The following GRIK2 variants were observed in gnomAD, a reference collection of about 807,000 sequenced individuals.
GRIK2 encodes the protein glutamate ionotropic receptor kainate type subunit 2, also known as glutamate receptor ionotropic, kainate 2.
Under a neutral mutation model 100.3 loss-of-function variants are expected in GRIK2, and 32 were observed. That is an observed-to-expected ratio of 0.32 (90% confidence interval 0.24 to 0.43). The LOEUF (loss-of-function observed/expected upper bound fraction) is 0.43. Among genes scored for constraint, GRIK2 ranks in the 20% least tolerant of loss-of-function variants. GRIK2 has a pLI of 1.00. For synonymous variants in GRIK2, 417 were observed against 389.4 expected, an observed-to-expected ratio of 1.07 and a Z score of -0.83; for missense variants, 843 against 1,114.9, an observed-to-expected ratio of 0.76 and a Z score of 3.47.
At chr6:101,414,947 TGTG>T (rs1776053049) in intron 2 of GRIK2, among the ~76,000 whole-genome samples, 1 of 83,966 alleles carries the variant, frequency 1.2e-5, no homozygotes, top group Non-Finnish European at 2.5e-5. Context: ...AACTTGTGTG[TGTG>T]TGTGTGTGTG....
At chr6:101,701,350 T>A (rs934489340) in intron 7 of GRIK2, among the ~76,000 whole-genome samples, 3 of 152,074 alleles carry the variant, frequency 2.0e-5, no homozygotes, top group African/African-American at 7.2e-5. Context: ...GCCTGTGCCT[T>A]CGTAGTACCT....
At chr6:101,504,682 A>G (rs1773930776) in intron 2 of GRIK2, among the ~76,000 whole-genome samples, 1 of 152,018 alleles carries the variant, frequency 6.6e-6, no homozygotes, top group Admixed American at 6.6e-5. Flanking sequence ...TACATAAAAT[A>G]CTCTGTTTAT....
chr6:101,472,325 T>C (rs1263607689), intron 2 of GRIK2, among the ~76,000 whole-genome samples: 1 of 151,822 alleles, frequency 6.6e-6, no homozygotes, highest in South Asian at 2.1e-4. Context: ...CCTGTAGAGA[T>C]ATAATACCGT....
In GRIK2 at chr6:102,004,859, A is replaced by AT. The variant is rs112295873; in HGVS notation, c.2086-30472dup. On this transcript the variant is annotated intron_variant, in intron 14 of 16. Transcript: ENST00000369134. ...CCCCCCCACCACCTTTCTCCAGTGC[A>AT]TTTTTTTTTTCTTTCTTTCTTTCTT... Among the ~76,000 whole-genome samples, 729 of 147,372 alleles carry AT rather than the reference A, an allele frequency of 4.9e-3. 3 individuals carry two copies. Among genetic ancestry groups the AT allele is most frequent in the Non-Finnish European group, 7.2e-3 (476 of 66,566 alleles).
chr6:101,693,342 T>C lies in GRIK2; in HGVS notation c.951+6989T>C, dbSNP rs148889655. 8.3e-4 allele frequency among the ~76,000 whole-genome samples: 126 copies of C among 152,126 alleles called. 1 individual carries two copies. Among genetic ancestry groups the C allele is most frequent in the African/African-American group, 2.8e-3 (118 of 41,516 alleles). ...GCAAAATTTATCTTCAAAGCATTGA[T>C]ATAATATTATGTGACACCAACTTAT... On this transcript the variant is annotated intron_variant, in intron 7 of 16. Transcript: ENST00000369134.
Position 101,928,587 on chromosome 6 carries a change from A to G in GRIK2, c.2040A>G (p.Ile680Met). 1 of 1,606,236 alleles carries G rather than the reference A, an allele frequency of 6.2e-7. No individual in the cohort carries two copies. The highest frequency in any genetic ancestry group is 8.5e-7 in the Non-Finnish European group (1 of 1,172,826). ...ATGATTTAGCTAAACAAACCAAGAT[A>G]GAATATGGAGCAGTAGAGGATGGTG... Reference protein sequence around the residue: ...SADDLAKQTKIEYGAVEDGAT... With the variant: ...SADDLAKQTKMEYGAVEDGAT... The change falls in exon 14 of 17, where the codon ATA becomes ATG. Residue 680 changes from isoleucine (I) to methionine (M), a missense_variant. Physicochemically the swap from Ile to Met is conservative, Grantham distance 10. Transcript: ENST00000369134.
intron 10 of GRIK2, among the ~76,000 whole-genome samples, chr6:101,847,962 G>A (rs1306348574): frequency 1.3e-5 from 2 of 152,092 alleles, no homozygotes; most frequent in African/African-American, 2.4e-5. Flanking sequence ...AAAACACCAC[G>A]TGTGAAGCAG....
intron 2 of GRIK2, among the ~76,000 whole-genome samples, chr6:101,516,722 A>G (rs549658860): frequency 3.3e-5 from 5 of 152,248 alleles, no homozygotes; most frequent in South Asian, 4.1e-4. Context: ...GCATGTAGCT[A>G]TAATAAAATA....
intron 4 of GRIK2, among the ~76,000 whole-genome samples, chr6:101,654,694 A>T (rs1186739413): frequency 6.6e-6 from 1 of 151,936 alleles, no homozygotes; most frequent in Non-Finnish European, 1.5e-5. Flanking sequence ...CTTACACTTC[A>T]CCCGTGTCCC....
intron 7 of GRIK2, among the ~76,000 whole-genome samples, chr6:101,687,671 A>G (rs888839719): frequency 2.6e-5 from 4 of 151,946 alleles, no homozygotes; most frequent in African/African-American, 4.8e-5. Context: ...CAAAAAATAC[A>G]TTTGTTTTCA....
At chr6:101,410,108 A>C (rs561634821) in intron 2 of GRIK2, among the ~76,000 whole-genome samples, 1 of 152,244 alleles carries the variant, frequency 6.6e-6, no homozygotes, top group East Asian at 1.9e-4. Flanking sequence ...AGAAGAAACA[A>C]ACCAAAACTG....
intron 2 of GRIK2, among the ~76,000 whole-genome samples, chr6:101,425,025 A>C (rs556978210): frequency 1.7e-3 from 263 of 152,138 alleles, no homozygotes; most frequent in African/African-American, 6.1e-3. Flanking sequence ...CACAATAAAC[A>C]TACATGTGCA....
At chr6:101,603,597 T>C (rs954487808) in intron 2 of GRIK2, among the ~76,000 whole-genome samples, 1 of 151,826 alleles carries the variant, frequency 6.6e-6, no homozygotes, top group Admixed American at 6.6e-5. Context: ...CTTCTTACTC[T>C]CTTTTGGCAA....
intron 4 of GRIK2, among the ~76,000 whole-genome samples, chr6:101,637,263 C>G (rs1193119803): frequency 2.6e-5 from 4 of 152,106 alleles, no homozygotes; most frequent in Admixed American, 6.6e-5. Context: ...GTTGTTTGTA[C>G]TGACCTCCAT....
intron 9 of GRIK2, among the ~76,000 whole-genome samples, chr6:101,814,700 G>GT (rs1260323718): frequency 6.6e-6 from 1 of 152,002 alleles, no homozygotes; most frequent in Admixed American, 6.6e-5. Flanking sequence ...CTAGAAATCT[G>GT]TTTTTAAAAT....
intron 2 of GRIK2, among the ~76,000 whole-genome samples, chr6:101,433,921 A>G (rs1014469920): frequency 1.3e-5 from 2 of 152,208 alleles, no homozygotes; most frequent in African/African-American, 4.8e-5. Flanking sequence ...ACAGGCCAGG[A>G]ATAGATCTTA....
intron 10 of GRIK2, among the ~76,000 whole-genome samples, chr6:101,830,749 A>AT (rs1782627738): frequency 6.6e-6 from 1 of 152,010 alleles, no homozygotes; most frequent in South Asian, 2.1e-4. Context: ...AAAAAAGGTA[A>AT]TGCTTACATT....
At chr6:101,907,325 AC>A (rs1384869853) in intron 12 of GRIK2, among the ~76,000 whole-genome samples, 2 of 151,690 alleles carry the variant, frequency 1.3e-5, no homozygotes, top group Admixed American at 6.6e-5. Context: ...GTGATTAAAA[AC>A]GATAAAAGTG....
chr6:101,960,380 C>G (rs755141687), intron 14 of GRIK2, among the ~76,000 whole-genome samples: 2 of 151,852 alleles, frequency 1.3e-5, no homozygotes, highest in African/African-American at 2.4e-5. Flanking sequence ...TTAGTGTGTT[C>G]CTTTGGAGGG....
Sources: allele counts gnomAD v4.1 joint callset (sites outside exome capture counted in the v4.1 genomes callset), GRCh38; gene constraint gnomAD v4.1.1; transcripts MANE v1.5; gene names NCBI Gene and HGNC (gene_info 2026-07-23, HGNC 2026-07-21).